PLXDC2: variants seen among roughly 807,000 people sequenced by gnomAD.
The protein encoded by PLXDC2 is plexin domain-containing protein 2.
A neutral mutation model predicts 68.9 loss-of-function variants in PLXDC2; 40 were observed. That is an observed-to-expected ratio of 0.58 (90% CI 0.45 to 0.76). The LOEUF (loss-of-function observed/expected upper bound fraction) is 0.76, where lower values mean the gene tolerates loss of function less well. PLXDC2 is among the 30% of genes least tolerant of loss of function. The pLI is 0.00. For missense variants in PLXDC2, 644 were observed against 661.9 expected, an observed-to-expected ratio of 0.97 and a Z score of 0.30; for synonymous variants, 243 against 234.2, an observed-to-expected ratio of 1.04 and a Z score of -0.34.
intron 6 of PLXDC2, among the ~76,000 whole-genome samples, chr10:20,150,574 T>G (rs1262814128): frequency 6.6e-6 from 1 of 152,214 alleles, no homozygotes; most frequent in East Asian, 1.9e-4. Context: ...CATTGCAATC[T>G]AGTATATTGC....
chr10:19,900,649 T>G (rs1838143043), intron 1 of PLXDC2, among the ~76,000 whole-genome samples: 1 of 152,028 alleles, frequency 6.6e-6, no homozygotes, highest in African/African-American at 2.4e-5. Context: ...TAGGTGGTAT[T>G]TGGTTACATG....
intron 1 of PLXDC2, among the ~76,000 whole-genome samples, chr10:19,833,381 C>T (rs1273655375): frequency 6.6e-6 from 1 of 152,220 alleles, no homozygotes; most frequent in Non-Finnish European, 1.5e-5. Context: ...CTCAGACTTG[C>T]ATGGCTGCCT....
chr10:20,256,170 T>C (rs1451271403), intron 13 of PLXDC2, among the ~76,000 whole-genome samples: 1 of 152,114 alleles, frequency 6.6e-6, no homozygotes, highest in Non-Finnish European at 1.5e-5. Flanking sequence ...TCTTGCTCTG[T>C]TGCCGAGGCT....
chr10:19,864,654 A>G (rs1022306253), intron 1 of PLXDC2, among the ~76,000 whole-genome samples: 11 of 152,196 alleles, frequency 7.2e-5, no homozygotes, highest in African/African-American at 2.7e-4. Context: ...ATTTTATTAT[A>G]TGTGCTACTG....
chr10:19,822,836 T>C (rs1836495622), intron 1 of PLXDC2, among the ~76,000 whole-genome samples: 1 of 152,244 alleles, frequency 6.6e-6, no homozygotes. Flanking sequence ...TTATTTACAT[T>C]AAGCCTTCTG....
chr10:19,841,746 A>G (rs754379649), intron 1 of PLXDC2, among the ~76,000 whole-genome samples: 18 of 152,118 alleles, frequency 1.2e-4, no homozygotes, highest in Non-Finnish European at 2.5e-4. Flanking sequence ...ACAGAATGCC[A>G]GACATAGGAA....
At chr10:19,817,892 C>G (rs1836385651) in intron 1 of PLXDC2, among the ~76,000 whole-genome samples, 1 of 152,152 alleles carries the variant, frequency 6.6e-6, no homozygotes. Flanking sequence ...TGATTTTGTC[C>G]CCGAGAGGGC....
At chr10:20,231,929 G>T (rs1178294698) in intron 12 of PLXDC2, among the ~76,000 whole-genome samples, 3 of 151,562 alleles carry the variant, frequency 2.0e-5, no homozygotes, top group Non-Finnish European at 4.4e-5. Context: ...AAGTCAGGGG[G>T]ATCACTTGAG....
At chr10:20,147,259 A>G (rs936637974) in intron 5 of PLXDC2, among the ~76,000 whole-genome samples, 2 of 152,218 alleles carry the variant, frequency 1.3e-5, no homozygotes, top group Non-Finnish European at 2.9e-5. Flanking sequence ...CAACAAAGAC[A>G]GAAATACAAG....
intron 9 of PLXDC2, among the ~76,000 whole-genome samples, chr10:20,182,467 A>G (rs1166286288): frequency 6.6e-6 from 1 of 152,004 alleles, no homozygotes; most frequent in African/African-American, 2.4e-5. Context: ...GAGTGAGTGA[A>G]TACACAACAA....
chr10:20,122,947 T>C (rs1056711092), intron 4 of PLXDC2, among the ~76,000 whole-genome samples: 3 of 152,196 alleles, frequency 2.0e-5, no homozygotes, highest in Non-Finnish European at 4.4e-5. Context: ...AAACGAGTCA[T>C]GAGCTGGGCT....
At chr10:20,279,640 A>AT (rs1836054846) in intron 13 of PLXDC2, 63 bp from the exon 14 acceptor site, 1 of 1,282,872 alleles carries the variant, frequency 7.8e-7, no homozygotes, top group Admixed American at 1.8e-5. Flanking sequence ...TAGCAAATAG[A>AT]TTTTTCTGGT....
intron 4 of PLXDC2, among the ~76,000 whole-genome samples, chr10:20,089,775 G>T (rs913057783): frequency 1.3e-5 from 2 of 152,174 alleles, no homozygotes; most frequent in African/African-American, 4.8e-5. Flanking sequence ...TTTACTATGT[G>T]CTAGTTCACT....
At chr10:20,140,634 C>G (rs1453603284) in intron 4 of PLXDC2, among the ~76,000 whole-genome samples, 1 of 151,842 alleles carries the variant, frequency 6.6e-6, no homozygotes, top group Non-Finnish European at 1.5e-5. Flanking sequence ...AATTATTAAC[C>G]ACTACTGAAG....
At chr10:20,271,138 C>CACACAT (rs767952363) in intron 13 of PLXDC2, among the ~76,000 whole-genome samples, 3,991 of 150,464 alleles carry the variant, frequency 0.027, 61 homozygotes, top group Non-Finnish European at 0.03. Context: ...AACAGACACA[C>CACACAT]ACACACACAC....
intron 12 of PLXDC2, among the ~76,000 whole-genome samples, chr10:20,237,818 G>A (rs1351721919): frequency 1.3e-5 from 2 of 152,058 alleles, no homozygotes; most frequent in Admixed American, 6.6e-5. Flanking sequence ...GTTCCCCAAA[G>A]GATATTAATA....
intron 1 of PLXDC2, among the ~76,000 whole-genome samples, chr10:19,927,149 G>T (rs1463330457): frequency 1.3e-5 from 2 of 152,056 alleles, no homozygotes; most frequent in Non-Finnish European, 1.5e-5. Flanking sequence ...AACATTCAAG[G>T]TGCTCTGTTA....
At chr10:19,864,558 A>G (rs1837379066) in intron 1 of PLXDC2, among the ~76,000 whole-genome samples, 1 of 152,222 alleles carries the variant, frequency 6.6e-6, no homozygotes, top group Non-Finnish European at 1.5e-5. Flanking sequence ...TTCTGCTAAT[A>G]CTAAAGCTTC....
chr10:19,852,250 A>G (rs1410353348), intron 1 of PLXDC2, among the ~76,000 whole-genome samples: 1 of 151,676 alleles, frequency 6.6e-6, no homozygotes, highest in African/African-American at 2.4e-5. Context: ...CAACAAATTA[A>G]AAAATTAGCC....
Sources: allele counts gnomAD v4.1 joint callset (sites outside exome capture counted in the v4.1 genomes callset), GRCh38; gene constraint gnomAD v4.1.1; transcripts MANE v1.5; gene names NCBI Gene and HGNC (gene_info 2026-07-23, HGNC 2026-07-21).